GLRA2: variants seen among roughly 807,000 people sequenced by gnomAD.
GLRA2 encodes the protein glycine receptor alpha 2, also known as glycine receptor subunit alpha-2.
GLRA2 carries 11 observed loss-of-function variants against 31.6 expected under a neutral mutation model. That is an observed-to-expected ratio of 0.35 (90% CI 0.22 to 0.58). The LOEUF (loss-of-function observed/expected upper bound fraction) is 0.58, where lower values mean the gene tolerates loss of function less well. Among genes scored for constraint, GLRA2 ranks in the 20% least tolerant of loss-of-function variants. GLRA2 has a pLI of 0.84. For synonymous variants in GLRA2, 132 were observed against 134.0 expected (o/e 0.99, Z 0.10); for missense variants, 212 against 351.8 (o/e 0.60, Z 3.18).
intron 7 of GLRA2, among the ~76,000 whole-genome samples, chrX:14,656,457 T>C (rs1216526148): frequency 8.9e-6 from 1 of 111,805 alleles, no homozygotes; most frequent in East Asian, 2.8e-4. Flanking sequence ...TGGTGTTAAG[T>C]GTATAATCAT....
chrX:14,525,570 C>T (rs1283356076), upstream of GLRA2, among the ~76,000 whole-genome samples: 3 of 111,080 alleles, frequency 2.7e-5, no homozygotes, highest in African/African-American at 9.8e-5. Flanking sequence ...TTATGTAACA[C>T]TTTATGTTAT....
At chrX:14,459,192 G>T in the GLRA2 span, among the ~76,000 whole-genome samples, 1 of 111,451 alleles carries the variant, frequency 9.0e-6, no homozygotes, top group African/African-American at 3.3e-5. Flanking sequence ...TAGATATGCA[G>T]CGCTATTTCT....
intron 2 of GLRA2, among the ~76,000 whole-genome samples, chrX:14,572,123 A>T (rs746513367): frequency 8.9e-6 from 1 of 112,130 alleles, no homozygotes; most frequent in South Asian, 3.7e-4. Flanking sequence ...TAACTTAAAA[A>T]TTATTTTGAC....
At chrX:14,513,850 AGT>A in the GLRA2 span, among the ~76,000 whole-genome samples, 1 of 112,084 alleles carries the variant, frequency 8.9e-6, no homozygotes, top group Non-Finnish European at 1.9e-5. Context: ...TATGGAAAAC[AGT>A]GTGGAGATTC....
rs2147278313 is a variant in GLRA2 at position 14,731,445 on chromosome X, A to C, written c.*960A>C. 8.9e-6 allele frequency: 1 copy of C among 112,039 alleles called. No individual in the cohort carries two copies. The highest frequency in any genetic ancestry group is 2.8e-4 in the East Asian group (1 of 3,565). The allele number at this position is 112,039 out of a possible 1,213,427, so 9.2% of individuals were successfully genotyped here. A position where few individuals can be genotyped will look rare whatever the true frequency, so the allele number is the denominator to read the frequency against. On this transcript the variant is annotated 3_prime_UTR_variant, in exon 9 of 9. Coordinates refer to ENST00000218075, the MANE Select transcript of GLRA2 (RefSeq NM_002063.4). ...GGAGATGGTGTGTCCTGAACAGTGTAGCTCAGGTCAGCTTGAACTTTCCAT... is the reference window on the plus strand; with the variant it reads ...GGAGATGGTGTGTCCTGAACAGTGTCGCTCAGGTCAGCTTGAACTTTCCAT...
chrX:14,553,461 T>C (rs910533674), intron 2 of GLRA2, among the ~76,000 whole-genome samples: 1 of 111,934 alleles, frequency 8.9e-6, no homozygotes, highest in Non-Finnish European at 1.9e-5. Flanking sequence ...ACTATTGTTA[T>C]TATCACATGA....
chrX:14,608,228 G>GA (rs1362623789), intron 6 of GLRA2, among the ~76,000 whole-genome samples: 1 of 111,195 alleles, frequency 9.0e-6, no homozygotes, highest in East Asian at 2.8e-4. Flanking sequence ...CAATTAAGGA[G>GA]AAAAAAAGTG....
At chrX:14,571,119 G>C (rs1479512579) in intron 2 of GLRA2, among the ~76,000 whole-genome samples, 3 of 111,707 alleles carry the variant, frequency 2.7e-5, no homozygotes, top group Non-Finnish European at 3.8e-5. Flanking sequence ...AGGAATGATA[G>C]TGCCATGAAA....
chrX:14,624,207 A>AT (rs1261034606), intron 7 of GLRA2, among the ~76,000 whole-genome samples: 1 of 110,935 alleles, frequency 9.0e-6, no homozygotes, highest in Non-Finnish European at 1.9e-5. Flanking sequence ...CCCCTTTATC[A>AT]TTTTTTATTG....
the GLRA2 span, among the ~76,000 whole-genome samples, chrX:14,474,042 T>C: frequency 9.0e-6 from 1 of 111,469 alleles, no homozygotes; most frequent in East Asian, 2.8e-4. Flanking sequence ...AGTCTTAACA[T>C]GCTTTGCTTA....
At chrX:14,705,455 G>T (rs2091607690) in intron 8 of GLRA2, among the ~76,000 whole-genome samples, 1 of 111,983 alleles carries the variant, frequency 8.9e-6, no homozygotes, top group African/African-American at 3.2e-5. Context: ...CAGTGCACAG[G>T]ATGGTGCCCA....
the GLRA2 span, among the ~76,000 whole-genome samples, chrX:14,459,899 C>A: frequency 8.9e-6 from 1 of 112,092 alleles, no homozygotes; most frequent in African/African-American, 3.2e-5. Flanking sequence ...CAAGAACGTC[C>A]AATACTGTGT....
At chrX:14,592,494 A>C (rs2090155114) in intron 4 of GLRA2, among the ~76,000 whole-genome samples, 1 of 109,801 alleles carries the variant, frequency 9.1e-6, no homozygotes, top group African/African-American at 3.3e-5. Context: ...ACATGGCAAA[A>C]CCCCATCCCT....
intron 2 of GLRA2, among the ~76,000 whole-genome samples, chrX:14,550,066 C>T (rs1289033719): frequency 9.1e-6 from 1 of 110,361 alleles, no homozygotes; most frequent in Non-Finnish European, 1.9e-5. Context: ...TGGATTTGAC[C>T]ACTGGGACAT....
chrX:14,585,630 C>A (rs911399349), intron 4 of GLRA2, among the ~76,000 whole-genome samples: 7 of 111,663 alleles, frequency 6.3e-5, no homozygotes, highest in Admixed American at 2.9e-4. Flanking sequence ...AATTTCCCTG[C>A]ATACTCAGGT....
At chrX:14,618,549 T>C (rs373723295) in intron 7 of GLRA2, among the ~76,000 whole-genome samples, 6 of 112,010 alleles carry the variant, frequency 5.4e-5, no homozygotes, top group Admixed American at 1.9e-4. Flanking sequence ...GCTGATGCAG[T>C]AATTTTCTGT....
chrX:14,507,483 G>A, the GLRA2 span, among the ~76,000 whole-genome samples: 1 of 110,381 alleles, frequency 9.1e-6, no homozygotes, highest in African/African-American at 3.3e-5. Flanking sequence ...GTGGTTCATG[G>A]AGCAGTGATG....
the GLRA2 span, among the ~76,000 whole-genome samples, chrX:14,485,844 C>T: frequency 3.6e-5 from 4 of 111,597 alleles, no homozygotes; most frequent in African/African-American, 1.3e-4. Context: ...CATGTAGCTC[C>T]TCTACTGAAA....
intron 8 of GLRA2, among the ~76,000 whole-genome samples, chrX:14,695,958 G>T (rs1373236421): frequency 9.0e-6 from 1 of 110,702 alleles, no homozygotes; most frequent in African/African-American, 3.3e-5. Context: ...TGACTTTAAA[G>T]TGTGAACAAT....
Sources: gnomAD v4.1 joint callset for allele counts (sites outside exome capture counted in the v4.1 genomes callset) on GRCh38, gnomAD v4.1.1 for gene constraint, MANE v1.5 for transcripts, NCBI Gene and HGNC (gene_info 2026-07-23, HGNC 2026-07-21) for gene names.